TMEM192: variants seen among roughly 807,000 people sequenced by gnomAD.
The protein encoded by TMEM192 is transmembrane protein 192.
A neutral mutation model predicts 26.7 loss-of-function variants in TMEM192; 20 were observed. The ratio of observed to expected loss-of-function variants is 0.75; its 90% CI spans 0.53 to 1.09. TMEM192 has a LOEUF of 1.09. Among genes scored for constraint, TMEM192 ranks in the 50% least tolerant of loss-of-function variants. TMEM192 has a pLI of 0.00. For missense variants in TMEM192, 304 were observed against 322.6 expected, an observed-to-expected ratio of 0.94 and a Z score of 0.44; for synonymous variants, 124 against 121.0, an observed-to-expected ratio of 1.02 and a Z score of -0.16.
chr4:165,086,666 C>T (rs1734624551), intron 4 of TMEM192, among the ~76,000 whole-genome samples: 1 of 151,930 alleles, frequency 6.6e-6, no homozygotes. Flanking sequence ...CTCAAGTGAT[C>T]CACCCGCTGA....
rs1051694466 is a variant in TMEM192 at position 165,075,999 on chromosome 4, C to A, written c.*3659G>T. On this transcript the variant is annotated 3_prime_UTR_variant, in exon 6 of 6. Transcript: ENST00000306480. ...GCAGTGAGCCCAGATCACACCACTG[C>A]ACTCCAGCCTGGGAGACAGATGAGA... The A allele has an allele frequency of 6.6e-6, 1 of 151,570 alleles. No individual in the cohort carries two copies. Among genetic ancestry groups the A allele is most frequent in the African/African-American group, 2.4e-5 (1 of 41,224 alleles). The allele number at this position is 151,570 out of a possible 1,614,324, so 9.4% of individuals were successfully genotyped here. A position where few individuals can be genotyped will look rare whatever the true frequency, so the allele number is the denominator to read the frequency against.
intron 5 of TMEM192, among the ~76,000 whole-genome samples, chr4:165,080,868 C>T (rs945822082): frequency 7.2e-5 from 11 of 152,136 alleles, no homozygotes; most frequent in Non-Finnish European, 1.2e-4. Flanking sequence ...GCGCCTGCCA[C>T]CATGCCCAGC....
chr4:165,084,880 G>A (rs1734574451), intron 5 of TMEM192, among the ~76,000 whole-genome samples: 2 of 152,146 alleles, frequency 1.3e-5, no homozygotes, highest in African/African-American at 4.8e-5. Flanking sequence ...ACAAGGGTGG[G>A]CAGACCGGGC....
chr4:165,103,232 A>AT lies in TMEM192; in HGVS notation c.28-137dup, dbSNP rs1309570034. 1.1e-5 allele frequency: 6 copies of AT among 541,812 alleles called. No individual in the cohort carries two copies. In the East Asian group the frequency reaches 2.3e-4, roughly 21 times the overall value. 33.6% of individuals were successfully genotyped at this position (541,812 alleles called of 1,614,324 possible). A position where few individuals can be genotyped will look rare whatever the true frequency, so the allele number is the denominator to read the frequency against. On this transcript the variant is annotated intron_variant, in intron 1 of 5. Transcript: ENST00000306480. ...AGAACACATTGCCTACCTGAATCCAATTTTTTAAAAATTAATTATTAATTT... is the reference window on the plus strand; with the variant it reads ...AGAACACATTGCCTACCTGAATCCAATTTTTTTAAAAATTAATTATTAATTT...
Position 165,083,010 on chromosome 4 carries a change from C to T in TMEM192, c.677+2576G>A, listed in dbSNP as rs1288076837. Among the ~76,000 whole-genome samples the T allele has an allele frequency of 5.0e-5, 2 of 40,058 alleles. 1 individual carries two copies. The highest frequency in any genetic ancestry group is 1.9e-4 in the Non-Finnish European group (2 of 10,628). 26.3% of individuals were successfully genotyped at this position (40,058 alleles called of 152,430 possible). ...TCGGCCTCACAAAGTACTGGGATTACAGGCGTGAGCCACCACGTCCGGCAT... is the reference window on the plus strand; with the variant it reads ...TCGGCCTCACAAAGTACTGGGATTATAGGCGTGAGCCACCACGTCCGGCAT... On this transcript the variant is annotated intron_variant, in intron 5 of 5. Transcript: ENST00000306480.
rs538064410 is a variant in TMEM192 at position 165,090,041 on chromosome 4, A to G, written c.440-1439T>C. 2.2e-3 allele frequency among the ~76,000 whole-genome samples: 340 copies of G among 151,834 alleles called. 2 individuals are homozygous for G. The highest frequency in any genetic ancestry group is 7.4e-3 in the African/African-American group (305 of 41,456). ...AGCCTGACCAACATGAAGAAACCCC[A>G]TCTCTACTAAAAATACAAAATTAGC... On this transcript the variant is annotated intron_variant, in intron 3 of 5. Transcript: ENST00000306480.
Position 165,100,971 on chromosome 4 carries a change from CTTTTTTTTT to C in TMEM192, c.175-88_175-80del. Reference sequence around the variant, plus strand: ...AATAACTACCATCCCAGCATACATTCTTTTTTTTTTTTTTTTTTTTTCTGAGACAGAGTC... The same window carrying C: ...AATAACTACCATCCCAGCATACATTCTTTTTTTTTTTTCTGAGACAGAGTC... On this transcript the variant is annotated intron_variant, in intron 2 of 5. Coordinates refer to ENST00000306480, the MANE Select transcript of TMEM192 (RefSeq NM_001100389.2). 4.7e-5 allele frequency: 36 copies of C among 772,964 alleles called. No individual in the cohort carries two copies. In the African/African-American group the frequency reaches 5.0e-4, roughly 11 times the overall value. The allele number at this position is 772,964 out of a possible 1,614,324, so 47.9% of individuals were successfully genotyped here. A position where few individuals can be genotyped will look rare whatever the true frequency, so the allele number is the denominator to read the frequency against.
chr4:165,112,422 T>A (rs975450480), intron 1 of TMEM192, among the ~76,000 whole-genome samples: 2 of 152,172 alleles, frequency 1.3e-5, no homozygotes, highest in South Asian at 4.1e-4. Flanking sequence ...CACGTGAAGC[T>A]GCCAGTTCCG....
chr4:165,102,827 T>G, intron 2 of TMEM192, 123 bp downstream of exon 2: 1 of 767,122 alleles, frequency 1.3e-6, no homozygotes, highest in South Asian at 4.2e-5. Context: ...ACTCAGGATG[T>G]CCTAAGAACA....
Position 165,071,290 on chromosome 4 carries a change from A to AT in TMEM192, c.*8367dup, listed in dbSNP as rs70952696. Reference sequence around the variant, plus strand: ...TCAGGAGGCTGACTGAAGTGGGAGGATTTTTTTTTTTTGGGGGGGGGACGG... The same window carrying AT: ...TCAGGAGGCTGACTGAAGTGGGAGGATTTTTTTTTTTTTGGGGGGGGGACGG... On this transcript the variant is annotated 3_prime_UTR_variant, in exon 6 of 6. Transcript: ENST00000306480. The AT allele has an allele frequency of 0.12, 17,682 of 142,994 alleles. 1,218 individuals carry two copies. Among genetic ancestry groups the AT allele is most frequent in the African/African-American group, 0.19 (7,343 of 39,036 alleles). The allele number at this position is 142,994 out of a possible 1,614,324, so 8.9% of individuals were successfully genotyped here.
chr4:165,095,646 C>T (rs1273190899), intron 3 of TMEM192, among the ~76,000 whole-genome samples: 1 of 152,090 alleles, frequency 6.6e-6, no homozygotes, highest in Non-Finnish European at 1.5e-5. Flanking sequence ...CTTTTAGGCC[C>T]CAGAGAGACT....
chr4:165,087,760 C>T lies in TMEM192; in HGVS notation c.574+708G>A, dbSNP rs1237764514. 4.6e-5 allele frequency among the ~76,000 whole-genome samples: 7 copies of T among 152,076 alleles called. No homozygotes were observed. The East Asian group carries it at 5.8e-4, about 13-fold the overall frequency. ...TTAGAGACCATCCTGGCCAACATGACGAAACCCCATCTCTATTAAAGTGCT... is the reference window on the plus strand; with the variant it reads ...TTAGAGACCATCCTGGCCAACATGATGAAACCCCATCTCTATTAAAGTGCT... On this transcript the variant is annotated intron_variant, in intron 4 of 5. Coordinates refer to ENST00000306480, the MANE Select transcript of TMEM192 (RefSeq NM_001100389.2).
At chr4:165,112,713 CG>C (rs1238750351) in intron 1 of TMEM192, 33 bp downstream of exon 1, 1 of 1,608,150 alleles carries the variant, frequency 6.2e-7, no homozygotes, top group Non-Finnish European at 8.5e-7. Flanking sequence ...AAGCGGATTC[CG>C]GGGCCAACCG....
At chr4:165,088,646 A>T in intron 3 of TMEM192, 44 bp from the exon 4 acceptor site, 1 of 1,566,446 alleles carries the variant, frequency 6.4e-7, no homozygotes, top group East Asian at 2.3e-5. Context: ...TGAGAAATAC[A>T]TATATGGTCT....
intron 3 of TMEM192, among the ~76,000 whole-genome samples, chr4:165,099,282 C>T (rs1421403203): frequency 6.6e-6 from 1 of 150,900 alleles, no homozygotes; most frequent in African/African-American, 2.4e-5. Flanking sequence ...AGAGGGGTTT[C>T]TCCATGTTGC....
intron 5 of TMEM192, among the ~76,000 whole-genome samples, chr4:165,080,834 C>T (rs1053841115): frequency 5.9e-5 from 9 of 152,050 alleles, no homozygotes; most frequent in Non-Finnish European, 1.2e-4. Context: ...CCTGCCTCAG[C>T]CTCCCAAGTA....
chr4:165,079,351 G>A lies in TMEM192; in HGVS notation c.*307C>T, dbSNP rs924023068. On this transcript the variant is annotated 3_prime_UTR_variant, in exon 6 of 6. Coordinates refer to ENST00000306480, the MANE Select transcript of TMEM192 (RefSeq NM_001100389.2). ...TCATTACAGGGTTCTAATGTCAGGT[G>A]GAAAAGTGTTGACTATGGAGTTGTT... The A allele has an allele frequency of 1.2e-5, 3 of 258,408 alleles. No individual in the cohort carries two copies. The highest frequency in any genetic ancestry group is 2.2e-5 in the African/African-American group (1 of 45,246). 16.0% of individuals were successfully genotyped at this position (258,408 alleles called of 1,614,324 possible). A position where few individuals can be genotyped will look rare whatever the true frequency, so the allele number is the denominator to read the frequency against.
chr4:165,084,708 A>T (rs1734569605), intron 5 of TMEM192, among the ~76,000 whole-genome samples: 1 of 150,220 alleles, frequency 6.7e-6, no homozygotes, highest in South Asian at 2.2e-4. Flanking sequence ...CAGGAGTTTG[A>T]GACCAGCCTG....
At chr4:165,091,623 G>C (rs1439871125) in intron 3 of TMEM192, among the ~76,000 whole-genome samples, 3 of 152,000 alleles carry the variant, frequency 2.0e-5, no homozygotes, top group African/African-American at 7.3e-5. Flanking sequence ...TTTATTCTTA[G>C]CAGCAAAGGA....
Sources: allele counts gnomAD v4.1 joint callset (sites outside exome capture counted in the v4.1 genomes callset), GRCh38; gene constraint gnomAD v4.1.1; transcripts MANE v1.5; gene names NCBI Gene and HGNC (gene_info 2026-07-23, HGNC 2026-07-21).